Variants in UNC79 observed in about 807,000 individuals in gnomAD.
The protein encoded by UNC79 is unc-79 subunit of NALCN channel complex, also known as protein unc-79 homolog.
A neutral mutation model predicts 283.1 loss-of-function variants in UNC79; 37 were observed. The ratio of observed to expected loss-of-function variants is 0.13; its 90% CI spans 0.10 to 0.17. The LOEUF (loss-of-function observed/expected upper bound fraction) is 0.17, where lower values mean the gene tolerates loss of function less well. Among genes scored for constraint, UNC79 ranks in the 10% least tolerant of loss-of-function variants. The pLI is 1.00. For synonymous variants in UNC79, 1,107 were observed against 1,200.2 expected, an observed-to-expected ratio of 0.92 and a Z score of 1.61; for missense variants, 2,272 against 3,211.1, an observed-to-expected ratio of 0.71 and a Z score of 7.07.
chr14:93,342,442 AT>A (rs943645360), intron 1 of UNC79, among the ~76,000 whole-genome samples: 1 of 152,050 alleles, frequency 6.6e-6, no homozygotes, highest in Non-Finnish European at 1.5e-5. Flanking sequence ...CCATGAAGCC[AT>A]TTTTCCTTCC....
chr14:93,485,309 T>C (rs897601207), intron 4 of UNC79, among the ~76,000 whole-genome samples: 2 of 151,716 alleles, frequency 1.3e-5, no homozygotes, highest in African/African-American at 4.8e-5. Flanking sequence ...TTCTTTTTTT[T>C]AACAAAGGGC....
intron 1 of UNC79, among the ~76,000 whole-genome samples, chr14:93,365,345 A>G (rs1181845531): frequency 6.9e-6 from 1 of 145,096 alleles, no homozygotes; most frequent in Non-Finnish European, 1.5e-5. Flanking sequence ...AGATTGTGCC[A>G]CTGCACTCCA....
chr14:93,367,789 C>G (rs566986757), intron 1 of UNC79, among the ~76,000 whole-genome samples: 1 of 152,300 alleles, frequency 6.6e-6, no homozygotes, highest in East Asian at 1.9e-4. Flanking sequence ...AATAGGCTTC[C>G]TAATTTACTC....
intron 14 of UNC79, among the ~76,000 whole-genome samples, chr14:93,570,105 C>A (rs1256640824): frequency 6.6e-6 from 1 of 152,082 alleles, no homozygotes; most frequent in Non-Finnish European, 1.5e-5. Flanking sequence ...TACCACCATG[C>A]CTGGCTAATT....
At chr14:93,340,567 G>T (rs2139877295) in intron 1 of UNC79, among the ~76,000 whole-genome samples, 1 of 150,040 alleles carries the variant, frequency 6.7e-6, no homozygotes, top group South Asian at 2.1e-4. Context: ...CTATGTAGGA[G>T]AAACTTTTTT....
chr14:93,676,825 A>G, intron 41 of UNC79, among the ~76,000 whole-genome samples: 1 of 152,236 alleles, frequency 6.6e-6, no homozygotes, highest in African/African-American at 2.4e-5. Flanking sequence ...AAAACAAATG[A>G]AGAAGAAAGA....
At chr14:93,561,522 A>G (rs992470748) in intron 14 of UNC79, among the ~76,000 whole-genome samples, 2 of 152,068 alleles carry the variant, frequency 1.3e-5, no homozygotes, top group Non-Finnish European at 2.9e-5. Flanking sequence ...GTGTAGGCGC[A>G]GGAGGAAAGG....
At chr14:93,463,007 G>C (rs1410360883) in intron 1 of UNC79, among the ~76,000 whole-genome samples, 1 of 152,120 alleles carries the variant, frequency 6.6e-6, no homozygotes, top group Non-Finnish European at 1.5e-5. Context: ...GGATGGGATT[G>C]CCTATGGGGA....
intron 1 of UNC79, among the ~76,000 whole-genome samples, chr14:93,443,084 C>T (rs1351448376): frequency 2.0e-5 from 3 of 152,038 alleles, no homozygotes; most frequent in East Asian, 1.9e-4. Flanking sequence ...ATTAGCCAGG[C>T]GTGGTAGTGC....
At chr14:93,643,771 G>GTTTTTAGT in intron 34 of UNC79, 74 bp downstream of exon 37, 1 of 1,558,524 alleles carries the variant, frequency 6.4e-7, no homozygotes, top group South Asian at 1.2e-5. Context: ...AAAACTACCA[G>GTTTTTAGT]TTCAAAAGTG....
chr14:93,348,223 T>G lies in UNC79; in HGVS notation c.-351+14700T>G, dbSNP rs964301863. 10 of 706,752 alleles carry G rather than the reference T, an allele frequency of 1.4e-5. No individual in the cohort carries two copies. In the Admixed American group the frequency reaches 2.1e-4, roughly 15 times the overall value. 43.8% of individuals were successfully genotyped at this position (706,752 alleles called of 1,614,324 possible). On this transcript the variant is annotated intron_variant, in intron 1 of 49. Coordinates refer to the UNC79 transcript ENST00000256339. ...TGCCTAGTTGAGTTGATGCAACCAT[T>G]GTGGTATTCACTTTCCTCATGTTTA... is the stretch of plus-strand genomic sequence containing the variant.
chr14:93,622,408 A>G lies in UNC79; in HGVS notation c.5175A>G (p.Gly1725=), dbSNP rs776867204. 6 of 1,614,030 alleles carry G rather than the reference A, an allele frequency of 3.7e-6. No homozygotes were observed. The South Asian group carries it at 6.6e-5, about 18-fold the overall frequency. Residue 1725 remains glycine (G), a synonymous_variant, in exon 30 of 49, where the codon GGA becomes GGG. Transcript: ENST00000555664. ...TGGAAGACCCTATGGACGCCGAAGG[A>G]TCCTCAAAGCCAGAGGAGCTGCCAG...
At chr14:93,607,013 C>G (rs935916710) in intron 26 of UNC79, among the ~76,000 whole-genome samples, 7 of 152,144 alleles carry the variant, frequency 4.6e-5, no homozygotes, top group Non-Finnish European at 1.0e-4. Context: ...TGTAACAAGG[C>G]AAGTAACTGC....
intron 27 of UNC79, among the ~76,000 whole-genome samples, chr14:93,614,039 A>G (rs1290255371): frequency 6.7e-6 from 1 of 149,660 alleles, no homozygotes; most frequent in Non-Finnish European, 1.5e-5. Flanking sequence ...ATTTTCATGC[A>G]CAGTAAAAAA....
intron 32 of UNC79, among the ~76,000 whole-genome samples, chr14:93,640,905 T>C (rs182490130): frequency 6.6e-6 from 1 of 152,306 alleles, no homozygotes; most frequent in Admixed American, 6.5e-5. Flanking sequence ...TTCTGATTTC[T>C]TTCAAAGTCA....
At chr14:93,480,306 T>C (rs907760751) in intron 4 of UNC79, among the ~76,000 whole-genome samples, 6 of 151,984 alleles carry the variant, frequency 3.9e-5, no homozygotes, top group African/African-American at 1.4e-4. Flanking sequence ...CAAGGTCCCA[T>C]TTTTTTTAAC....
At chr14:93,582,169 C>G in intron 19 of UNC79, 34 bp from the exon 20 acceptor site, 1 of 1,613,970 alleles carries the variant, frequency 6.2e-7, no homozygotes, top group Non-Finnish European at 8.5e-7. Context: ...CCCTCCAGGG[C>G]TGCTTACCTG....
At chr14:93,450,751 A>G (rs1291424728) in intron 1 of UNC79, among the ~76,000 whole-genome samples, 2 of 152,220 alleles carry the variant, frequency 1.3e-5, no homozygotes, top group African/African-American at 2.4e-5. Flanking sequence ...ATTTCATAAC[A>G]AAGTGCATTG....
At chr14:93,528,791 T>C (rs1420843275) in intron 9 of UNC79, 145 bp downstream of exon 9, 9 of 758,326 alleles carry the variant, frequency 1.2e-5, no homozygotes, top group East Asian at 8.1e-5. Flanking sequence ...ATACTTAACA[T>C]ATAGCAAACT....
Sources: allele counts gnomAD v4.1 joint callset (sites outside exome capture counted in the v4.1 genomes callset), GRCh38; gene constraint gnomAD v4.1.1; transcripts MANE v1.5; gene names NCBI Gene and HGNC (gene_info 2026-07-23, HGNC 2026-07-21).